The following EXD3 variants were observed in gnomAD, a reference collection of about 807,000 sequenced individuals.
The protein encoded by EXD3 is exonuclease 3'-5' domain containing 3, also known as exonuclease mut-7 homolog.
EXD3 carries 92 observed loss-of-function variants against 98.0 expected under a neutral mutation model. That is an observed-to-expected ratio of 0.94 (90% CI 0.79 to 1.12). The LOEUF (loss-of-function observed/expected upper bound fraction) is 1.12, where lower values mean the gene tolerates loss of function less well. Ranked by LOEUF, EXD3 falls within the 50% of genes most tolerant of loss-of-function variation. The probability of loss-of-function intolerance (pLI) is 0.00; values close to 1 mark genes in which losing one functional copy is unlikely to be tolerated. For synonymous variants in EXD3, 569 were observed against 526.0 expected, an observed-to-expected ratio of 1.08 and a Z score of -1.12; for missense variants, 1,222 against 1,191.6, an observed-to-expected ratio of 1.03 and a Z score of -0.38.
At chr9:137,414,797 G>C (rs537933377) in intron 1 of EXD3, among the ~76,000 whole-genome samples, 2 of 152,322 alleles carry the variant, frequency 1.3e-5, no homozygotes, top group East Asian at 3.9e-4. Context: ...CGCCACTCCA[G>C]GGGGGTGCTG....
chr9:137,307,759 G>C, intron 20 of EXD3, 113 bp from the exon 21 acceptor site: 1 of 1,184,356 alleles, frequency 8.4e-7, no homozygotes, highest in Non-Finnish European at 1.2e-6. Context: ...ATGGGGTGCA[G>C]CCTCTTCACA....
intron 18 of EXD3, 98 bp from the exon 19 acceptor site, chr9:137,323,954 C>A: frequency 6.5e-7 from 1 of 1,527,996 alleles, no homozygotes; most frequent in South Asian, 1.2e-5. Context: ...AGCCTTCTCT[C>A]GGCCCACCAG....
At chr9:137,354,622 C>A (rs564075552) in intron 9 of EXD3, 78 bp downstream of exon 9, 1 of 1,589,948 alleles carries the variant, frequency 6.3e-7, no homozygotes, top group East Asian at 2.3e-5. Flanking sequence ...CCCTGCAGTG[C>A]GCAGTGAGTA....
intron 17 of EXD3, among the ~76,000 whole-genome samples, chr9:137,338,652 T>G (rs897069008): frequency 6.7e-6 from 1 of 149,590 alleles, no homozygotes; most frequent in Non-Finnish European, 1.5e-5. Context: ...TTTGGGAGGC[T>G]GAGGAGGGCA....
chr9:137,362,722 G>T (rs970002098), intron 7 of EXD3, among the ~76,000 whole-genome samples: 5 of 151,996 alleles, frequency 3.3e-5, no homozygotes, highest in Non-Finnish European at 7.4e-5. Context: ...AGAGATCTTT[G>T]TATATTCTGG....
At chr9:137,333,308 C>T (rs1468257307) in intron 17 of EXD3, among the ~76,000 whole-genome samples, 1 of 152,196 alleles carries the variant, frequency 6.6e-6, no homozygotes, top group Non-Finnish European at 1.5e-5. Flanking sequence ...CCACTGGCTT[C>T]CTGGCTCCTT....
chr9:137,309,842 G>A (rs1217368421), intron 19 of EXD3, 142 bp from the exon 20 acceptor site: 15 of 652,222 alleles, frequency 2.3e-5, no homozygotes, highest in Non-Finnish European at 3.3e-5. Flanking sequence ...CTGTCCCCAC[G>A]CATAGTCCTG....
chr9:137,386,945 CCCTGCCTGCCTCCCT>C, intron 2 of EXD3, among the ~76,000 whole-genome samples: 1 of 139,172 alleles, frequency 7.2e-6, no homozygotes, highest in African/African-American at 2.7e-5. Flanking sequence ...CACCCCTGCT[CCCTGCCTGCCTCCCT>C]CAGCACCCCT....
chr9:137,394,503 CCCCGG>C lies in EXD3; in HGVS notation c.55+795_55+799del, dbSNP rs1564204845. ...GGCCTCCCAGCCTCCGCTTCCCTAA[CCCCGG>C]CCTCCCAGCCTCCGCTTCCCTAACC... On this transcript the variant is annotated intron_variant, in intron 2 of 21. Transcript: ENST00000340951. Among the ~76,000 whole-genome samples, 162 of 136,388 alleles carry C rather than the reference CCCCGG, an allele frequency of 1.2e-3. 3 individuals carry two copies. Among genetic ancestry groups the C allele is most frequent in the African/African-American group, 2.0e-3 (69 of 34,356 alleles). The allele number at this position is 136,388 out of a possible 152,430, so 89.5% of individuals were successfully genotyped here.
rs562491464 is a variant in EXD3 at position 137,327,423 on chromosome 9, G to A, written c.1999-3280C>T. 3.3e-4 allele frequency among the ~76,000 whole-genome samples: 51 copies of A among 152,266 alleles called. No individual in the cohort carries two copies. The East Asian group carries it at 5.6e-3, about 17-fold the overall frequency. On this transcript the variant is annotated intron_variant, in intron 17 of 21. Transcript: ENST00000340951. ...GCTGGGATTACAGGTGTGAGCCACC[G>A]CGCCCGGCCAGTATGGAGTCTTTGG...
At chr9:137,375,515 G>C (rs1465543703) in intron 3 of EXD3, among the ~76,000 whole-genome samples, 1 of 151,478 alleles carries the variant, frequency 6.6e-6, no homozygotes, top group Non-Finnish European at 1.5e-5. Context: ...TGAGTTCTAG[G>C]CCTAGTGACT....
At chr9:137,345,822 T>A (rs560755307) in intron 17 of EXD3, 1 of 151,932 alleles carries the variant, frequency 6.6e-6, no homozygotes, top group Non-Finnish European at 1.5e-5. Context: ...AGTAAGGTGG[T>A]CACAAATGTG....
Position 137,405,153 on chromosome 9 carries a change from A to G in EXD3, c.-47-9749T>C, listed in dbSNP as rs554958887. 6.6e-6 allele frequency among the ~76,000 whole-genome samples: 1 copy of G among 152,308 alleles called. No homozygotes were observed. The highest frequency in any genetic ancestry group is 2.4e-5 in the African/African-American group (1 of 41,572). ...CCAGGGCCTCTGCCAGCGGGTGTCC[A>G]AAGACCCTACTTGGGAGCCCCGCAC... On this transcript the variant is annotated intron_variant, in intron 1 of 21. Transcript: ENST00000340951. The surrounding 1 kb of genome is among the most constrained non-coding windows in gnomAD (Gnocchi z 4.1).
intron 6 of EXD3, 76 bp from the exon 7 acceptor site, chr9:137,366,708 A>G: frequency 1.3e-6 from 2 of 1,496,978 alleles, no homozygotes; most frequent in Non-Finnish European, 1.8e-6. Context: ...ACCCAGAGGG[A>G]GCGGCCAAAG....
chr9:137,389,245 G>A (rs1001818051), intron 2 of EXD3, among the ~76,000 whole-genome samples: 10 of 152,198 alleles, frequency 6.6e-5, no homozygotes, highest in Admixed American at 3.9e-4. Context: ...GGCGGACAGC[G>A]TGTGCCCTCC....
Position 137,374,632 on chromosome 9 carries a change from CA to C in EXD3, c.121-1034del, listed in dbSNP as rs1043400017. 1.7e-5 allele frequency: 17 copies of C among 985,400 alleles called. No individual in the cohort carries two copies. The African/African-American group carries it at 3.0e-4, about 17-fold the overall frequency. 61.0% of individuals were successfully genotyped at this position (985,400 alleles called of 1,614,324 possible). The stretch of plus-strand genomic sequence containing the variant: ...CGCACATGAGTGTGTGAGGAGACCT[CA>C]GCGCTGTCCAGGAGGGTGCCATGCC... On this transcript the variant is annotated intron_variant, in intron 3 of 21. Coordinates refer to ENST00000340951, the MANE Select transcript of EXD3 (RefSeq NM_017820.5).
intron 19 of EXD3, among the ~76,000 whole-genome samples, chr9:137,317,567 C>T (rs1012283860): frequency 4.6e-5 from 7 of 152,048 alleles, no homozygotes; most frequent in Non-Finnish European, 1.0e-4. Context: ...AGACCCACAG[C>T]TTTTCTGGAA....
In EXD3 at chr9:137,379,748, C is replaced by T. The variant is rs1340581313; in HGVS notation, c.120+3565G>A. Among the ~76,000 whole-genome samples the T allele has an allele frequency of 3.3e-5, 5 of 152,064 alleles. No homozygotes were observed. The East Asian group carries it at 5.8e-4, about 18-fold the overall frequency. ...CGCTCCGTGGCTCTGATTTGGGGTG[C>T]GCTCTCGCCCAGGCTGGTTTCTGTC... is the stretch of plus-strand genomic sequence containing the variant. On this transcript the variant is annotated intron_variant, in intron 3 of 21. Coordinates refer to ENST00000340951, the MANE Select transcript of EXD3 (RefSeq NM_017820.5).
chr9:137,422,871 G>A (rs1448763693), intron 1 of EXD3, among the ~76,000 whole-genome samples: 2 of 152,066 alleles, frequency 1.3e-5, no homozygotes, highest in African/African-American at 2.4e-5. Context: ...CGGGGTCGCC[G>A]GGGTCGGCTC....
Sources: gnomAD v4.1 joint callset for allele counts (sites outside exome capture counted in the v4.1 genomes callset) on GRCh38, gnomAD v4.1.1 for gene constraint, Gnocchi (gnomAD v3.1) non-coding constraint, MANE v1.5 for transcripts, NCBI Gene and HGNC (gene_info 2026-07-23, HGNC 2026-07-21) for gene names.